The following P3H2 variants were observed in gnomAD, a reference collection of about 807,000 sequenced individuals.
P3H2 encodes prolyl 3-hydroxylase 2.
A neutral mutation model predicts 87.0 loss-of-function variants in P3H2; 80 were observed. The ratio of observed to expected loss-of-function variants is 0.92; its 90% CI spans 0.77 to 1.11. P3H2 has a LOEUF of 1.11. P3H2 is among the 50% of genes least tolerant of loss of function. The probability of loss-of-function intolerance (pLI) is 0.00; values close to 1 mark genes in which losing one functional copy is unlikely to be tolerated. For missense variants in P3H2, 1,001 were observed against 923.9 expected (o/e 1.08, Z -1.08); for synonymous variants, 367 against 359.3 (o/e 1.02, Z -0.24).
At chr3:189,970,222 A>ATATATATATATATATATATG (rs1263063204) in intron 13 of P3H2, among the ~76,000 whole-genome samples, 1 of 111,472 alleles carries the variant, frequency 9.0e-6, no homozygotes, top group Non-Finnish European at 1.8e-5. Context: ...ATATATATAT[A>ATATATATATATATATATATG]TGAGGCCATG....
chr3:189,978,399 G>A (rs1034603254), intron 8 of P3H2, among the ~76,000 whole-genome samples: 1 of 152,104 alleles, frequency 6.6e-6, no homozygotes, highest in Non-Finnish European at 1.5e-5. Context: ...CTGGAATACT[G>A]TGTTAAGTTC....
At chr3:190,113,433 C>T (rs1171687405) in intron 1 of P3H2, among the ~76,000 whole-genome samples, 5 of 149,390 alleles carry the variant, frequency 3.3e-5, no homozygotes, top group East Asian at 3.9e-4. Flanking sequence ...CTTGCTTTTA[C>T]GTCACTGCCC....
rs1722677998 is a variant in P3H2, at chr3:189,957,662, C to T, written c.*250G>A. The T allele has an allele frequency of 3.7e-6, 2 of 536,932 alleles. No homozygotes were observed. The highest frequency in any genetic ancestry group is 6.6e-6 in the Non-Finnish European group (2 of 300,984). 33.3% of individuals were successfully genotyped at this position (536,932 alleles called of 1,614,324 possible). On this transcript the variant is annotated 3_prime_UTR_variant, in exon 15 of 15. Transcript: ENST00000319332. ...ATCACATCTGTGAATAGCCACTGCC[C>T]TATATCCTAGACAACATGGTTAGAC...
At chr3:190,058,236 A>C (rs1726222026) in intron 1 of P3H2, among the ~76,000 whole-genome samples, 1 of 152,140 alleles carries the variant, frequency 6.6e-6, no homozygotes, top group African/African-American at 2.4e-5. Context: ...TGGCTTGTTG[A>C]AGTCCTAGTT....
At chr3:189,982,680 T>C (rs934338604) in intron 8 of P3H2, among the ~76,000 whole-genome samples, 7 of 152,198 alleles carry the variant, frequency 4.6e-5, no homozygotes, top group African/African-American at 1.4e-4. Context: ...GTTCCTCTGA[T>C]ATACAGTCTG....
intron 2 of P3H2, 54 bp from the exon 3 acceptor site, chr3:189,994,337 A>AAAG: frequency 6.2e-6 from 6 of 973,870 alleles, no homozygotes; most frequent in Non-Finnish European, 7.8e-6. Context: ...AACAAACAAA[A>AAAG]AAACCCTTAT....
chr3:189,992,180 G>A (rs1470534102), intron 3 of P3H2, among the ~76,000 whole-genome samples: 5 of 151,926 alleles, frequency 3.3e-5, no homozygotes, highest in Non-Finnish European at 5.9e-5. Context: ...CTGCAACCTC[G>A]GCCTCCAAGG....
intron 1 of P3H2, among the ~76,000 whole-genome samples, chr3:190,048,806 A>C (rs1725885068): frequency 6.6e-6 from 1 of 152,206 alleles, no homozygotes; most frequent in African/African-American, 2.4e-5. Flanking sequence ...TGAAAAAATA[A>C]ACACTAAAAA....
At position 189,957,450 on chromosome 3, in the gene P3H2, TG is replaced by T. The variant is rs1350395688; in HGVS notation, c.*461del. On this transcript the variant is annotated 3_prime_UTR_variant, in exon 15 of 15. Coordinates refer to ENST00000319332, the MANE Select transcript of P3H2 (RefSeq NM_018192.4). ...ATTTGCAGCAACTTAATTGTGTGTG[TG>T]TGTGTGTGTGTGTGTGTGTGTGTGT... is the stretch of plus-strand genomic sequence containing the variant. 2.5e-4 allele frequency: 28 copies of T among 113,736 alleles called. No individual in the cohort carries two copies. Among genetic ancestry groups the T allele is most frequent in the Non-Finnish European group, 2.1e-4 (13 of 62,602 alleles). The allele number at this position is 113,736 out of a possible 1,614,324, so 7.0% of individuals were successfully genotyped here.
intron 3 of P3H2, 107 bp downstream of exon 3, chr3:189,993,987 T>C (rs1266962215): frequency 1.2e-5 from 11 of 893,834 alleles, no homozygotes; most frequent in Non-Finnish European, 1.4e-5. Flanking sequence ...ATGAGAGTCT[T>C]TTATTTTTAC....
intron 1 of P3H2, among the ~76,000 whole-genome samples, chr3:190,069,110 T>G (rs528640718): frequency 6.6e-6 from 1 of 152,280 alleles, no homozygotes; most frequent in South Asian, 2.1e-4. Context: ...TATCTGTGCC[T>G]TTCACATGGT....
At chr3:190,052,377 T>C (rs1432340946) in intron 1 of P3H2, among the ~76,000 whole-genome samples, 2 of 152,162 alleles carry the variant, frequency 1.3e-5, no homozygotes, top group East Asian at 1.9e-4. Context: ...TTGCTGAGAA[T>C]GATAGCTTCC....
At chr3:190,022,339 T>G (rs1577278219) in intron 1 of P3H2, among the ~76,000 whole-genome samples, 1 of 135,350 alleles carries the variant, frequency 7.4e-6, no homozygotes. Context: ...GGGTGGGGTG[T>G]GCATTCAAGA....
At chr3:190,022,793 T>C (rs1560366196) in intron 1 of P3H2, among the ~76,000 whole-genome samples, 1 of 152,078 alleles carries the variant, frequency 6.6e-6, no homozygotes, top group African/African-American at 2.4e-5. Flanking sequence ...AAGTTTCCGA[T>C]TAAGTAAGTC....
chr3:190,108,137 G>T (rs1711922268), intron 1 of P3H2, among the ~76,000 whole-genome samples: 1 of 151,544 alleles, frequency 6.6e-6, no homozygotes, highest in Non-Finnish European at 1.5e-5. Context: ...TAAATGGCAG[G>T]TTTCACACAC....
Position 190,120,248 on chromosome 3 carries a change from G to C in P3H2, c.480+4C>G. ...TTTGCAGTGGAGGAGCGCTCTGTGGGTACCTTGATGTAGGCCCGCTGCAGG... is the reference window on the plus strand; with the variant it reads ...TTTGCAGTGGAGGAGCGCTCTGTGGCTACCTTGATGTAGGCCCGCTGCAGG... On this transcript the variant is annotated splice_donor_region_variant and intron_variant, in intron 1 of 14. Transcript: ENST00000319332. 6.2e-7 allele frequency: 1 copy of C among 1,609,532 alleles called. No individual in the cohort carries two copies. Among genetic ancestry groups the C allele is most frequent in the Non-Finnish European group, 8.5e-7 (1 of 1,178,798 alleles).
In P3H2 at chr3:190,070,363, A is replaced by G. The variant is rs951248591; in HGVS notation, c.480+49889T>C. On this transcript the variant is annotated intron_variant, in intron 1 of 14. Coordinates refer to ENST00000319332, the MANE Select transcript of P3H2 (RefSeq NM_018192.4). Reference sequence around the variant, plus strand: ...CTTAGAAGTCATAGTACATAGGAAGATACAGAAGGGGTTCTAGTAAGCATC... The same window carrying G: ...CTTAGAAGTCATAGTACATAGGAAGGTACAGAAGGGGTTCTAGTAAGCATC... 4.6e-5 allele frequency among the ~76,000 whole-genome samples: 7 copies of G among 152,292 alleles called. No individual in the cohort carries two copies. In the East Asian group the frequency reaches 1.4e-3, roughly 29 times the overall value.
At chr3:190,068,581 G>A (rs1252347355) in intron 1 of P3H2, among the ~76,000 whole-genome samples, 1 of 152,142 alleles carries the variant, frequency 6.6e-6, no homozygotes, top group Non-Finnish European at 1.5e-5. Flanking sequence ...TAAGGAGCTG[G>A]CAAAAATACA....
chr3:189,972,044 A>C (rs751383726), intron 11 of P3H2, 37 bp from the exon 12 acceptor site: 3 of 1,284,498 alleles, frequency 2.3e-6, no homozygotes, highest in Non-Finnish European at 3.4e-6. Flanking sequence ...CGAGAAATGA[A>C]GTGCAGCAAC....
Sources: gnomAD v4.1 joint callset for allele counts (sites outside exome capture counted in the v4.1 genomes callset) on GRCh38, gnomAD v4.1.1 for gene constraint, MANE v1.5 for transcripts, NCBI Gene and HGNC (gene_info 2026-07-23, HGNC 2026-07-21) for gene names.